The following GPC6 variants were observed in gnomAD, a reference collection of about 807,000 sequenced individuals.
The protein encoded by GPC6 is glypican 6.
In GPC6, 14 loss-of-function variants were observed where a neutral mutation model predicts 55.2. The observed-to-expected ratio is 0.25, with a 90% CI of 0.17 to 0.40. The LOEUF is 0.40. Ranked by LOEUF, GPC6 falls within the 10% of genes least tolerant of loss-of-function variation. The probability of loss-of-function intolerance (pLI) is 1.00; values close to 1 mark genes in which losing one functional copy is unlikely to be tolerated. For missense variants in GPC6, 641 were observed against 708.5 expected (o/e 0.90, Z 1.08); for synonymous variants, 278 against 259.6 (o/e 1.07, Z -0.68).
chr13:93,690,981 C>T (rs1882237001), intron 2 of GPC6, among the ~76,000 whole-genome samples: 1 of 152,088 alleles, frequency 6.6e-6, no homozygotes, highest in East Asian at 1.9e-4. Flanking sequence ...AATTGTGCAC[C>T]TAAAAAACAA....
chr13:94,075,786 A>G (rs941763883), intron 4 of GPC6, among the ~76,000 whole-genome samples: 1 of 152,132 alleles, frequency 6.6e-6, no homozygotes, highest in African/African-American at 2.4e-5. Flanking sequence ...GTTTATTTTT[A>G]TGACAGGATT....
intron 2 of GPC6, among the ~76,000 whole-genome samples, chr13:93,741,553 C>T (rs1240510020): frequency 6.6e-6 from 1 of 152,118 alleles, no homozygotes; most frequent in Non-Finnish European, 1.5e-5. Context: ...CTCTTACAAA[C>T]CTGGGATTCA....
At chr13:93,688,695 C>G (rs1009445823) in intron 2 of GPC6, among the ~76,000 whole-genome samples, 3 of 151,938 alleles carry the variant, frequency 2.0e-5, no homozygotes, top group African/African-American at 7.2e-5. Flanking sequence ...CATGATTTCA[C>G]TTACATGAAG....
At chr13:94,077,035 G>A (rs986028160) in intron 4 of GPC6, among the ~76,000 whole-genome samples, 5 of 149,830 alleles carry the variant, frequency 3.3e-5, no homozygotes, top group African/African-American at 7.4e-5. Flanking sequence ...GGATTTTAAC[G>A]GGGATAACGC....
chr13:94,042,180 A>G (rs1883563924), intron 4 of GPC6, among the ~76,000 whole-genome samples: 1 of 151,054 alleles, frequency 6.6e-6, no homozygotes, highest in African/African-American at 2.4e-5. Flanking sequence ...TCTTCCTCCT[A>G]CTCTAGCCAT....
intron 3 of GPC6, among the ~76,000 whole-genome samples, chr13:93,948,620 A>C (rs1335115035): frequency 1.3e-5 from 2 of 152,236 alleles, no homozygotes; most frequent in Admixed American, 6.5e-5. Flanking sequence ...TTTAAGGTTT[A>C]GCAAAGATGC....
At chr13:93,361,000 T>G (rs994618414) in intron 1 of GPC6, among the ~76,000 whole-genome samples, 7 of 152,130 alleles carry the variant, frequency 4.6e-5, no homozygotes, top group African/African-American at 1.7e-4. Flanking sequence ...TCTTACTCGC[T>G]TTTTTTGTTT....
intron 1 of GPC6, among the ~76,000 whole-genome samples, chr13:93,401,692 T>C (rs1352792053): frequency 1.1e-4 from 7 of 66,042 alleles, no homozygotes; most frequent in Admixed American, 2.2e-4. Context: ...GAATGGACTT[T>C]TTTTTTTTTT....
At chr13:94,290,400 G>A (rs1285009414) in intron 5 of GPC6, among the ~76,000 whole-genome samples, 5 of 139,114 alleles carry the variant, frequency 3.6e-5, no homozygotes, top group East Asian at 2.1e-4. Flanking sequence ...CAACCTGGGC[G>A]ACAGGATGAG....
At chr13:93,884,516 AT>A (rs1378997229) in intron 3 of GPC6, among the ~76,000 whole-genome samples, 3 of 152,090 alleles carry the variant, frequency 2.0e-5, no homozygotes, top group African/African-American at 7.2e-5. Flanking sequence ...TTTACTGAAG[AT>A]TTTGCATTCA....
At chr13:94,297,865 T>C (rs913618222) in intron 5 of GPC6, among the ~76,000 whole-genome samples, 1 of 151,850 alleles carries the variant, frequency 6.6e-6, no homozygotes, top group African/African-American at 2.4e-5. Flanking sequence ...CTGAGGACCA[T>C]TGTAATCAAT....
intron 3 of GPC6, among the ~76,000 whole-genome samples, chr13:93,923,500 T>A (rs970408277): frequency 1.5e-5 from 2 of 136,794 alleles, no homozygotes; most frequent in African/African-American, 2.8e-5. Flanking sequence ...AAAAAAAAAA[T>A]TTAACTACCA....
At chr13:93,367,651 A>T (rs570774624) in intron 1 of GPC6, among the ~76,000 whole-genome samples, 1 of 152,116 alleles carries the variant, frequency 6.6e-6, no homozygotes, top group Admixed American at 6.6e-5. Context: ...GGTTAATGTA[A>T]TTTTTGATAT....
intron 2 of GPC6, among the ~76,000 whole-genome samples, chr13:93,604,198 A>T (rs1484627635): frequency 6.6e-6 from 1 of 152,266 alleles, no homozygotes; most frequent in African/African-American, 2.4e-5. Flanking sequence ...GAAAGGACTC[A>T]GCTGTTAAAG....
intron 5 of GPC6, among the ~76,000 whole-genome samples, chr13:94,301,802 A>G (rs996813651): frequency 3.9e-5 from 6 of 152,158 alleles, no homozygotes; most frequent in African/African-American, 7.2e-5. Context: ...TAAGCTGATG[A>G]TCCCAATCTC....
At chr13:93,536,062 CAG>C (rs1335160950) in intron 1 of GPC6, among the ~76,000 whole-genome samples, 4 of 152,182 alleles carry the variant, frequency 2.6e-5, no homozygotes, top group Middle Eastern at 3.4e-3. Context: ...TGTCTGTGAG[CAG>C]AGTTTCCCCT....
intron 1 of GPC6, among the ~76,000 whole-genome samples, chr13:93,446,273 GAA>G (rs970747691): frequency 2.4e-4 from 36 of 152,218 alleles, no homozygotes; most frequent in African/African-American, 7.9e-4. Flanking sequence ...GATGTGATTA[GAA>G]CCCCCAGTTT....
intron 1 of GPC6, among the ~76,000 whole-genome samples, chr13:93,412,396 C>T (rs2139246648): frequency 6.6e-6 from 1 of 152,290 alleles, no homozygotes; most frequent in African/African-American, 2.4e-5. Context: ...TGAATCATGC[C>T]TGTAATCCCA....
intron 3 of GPC6, among the ~76,000 whole-genome samples, chr13:93,959,000 G>C (rs1222160583): frequency 2.0e-5 from 3 of 152,102 alleles, no homozygotes; most frequent in Non-Finnish European, 4.4e-5. Context: ...ATATAGAAAT[G>C]CTACTGACTT....
Sources: allele counts gnomAD v4.1 joint callset (sites outside exome capture counted in the v4.1 genomes callset), GRCh38; gene constraint gnomAD v4.1.1; transcripts MANE v1.5; gene names NCBI Gene and HGNC (gene_info 2026-07-23, HGNC 2026-07-21).